The following LMBRD1 variants were observed in gnomAD, a reference collection of about 807,000 sequenced individuals.
The protein encoded by LMBRD1 is LMBR1 domain containing 1.
A neutral mutation model predicts 74.8 loss-of-function variants in LMBRD1; 64 were observed. The observed-to-expected ratio is 0.86, with a 90% CI of 0.70 to 1.05. The LOEUF (loss-of-function observed/expected upper bound fraction) is 1.05, where lower values mean the gene tolerates loss of function less well. Among genes scored for constraint, LMBRD1 ranks in the 50% least tolerant of loss-of-function variants. The probability of loss-of-function intolerance (pLI) is 0.00; values close to 1 mark genes in which losing one functional copy is unlikely to be tolerated. For missense variants in LMBRD1, 652 were observed against 645.9 expected (o/e 1.01, Z -0.10); for synonymous variants, 204 against 216.3 (o/e 0.94, Z 0.50).
In LMBRD1 at chr6:69,675,852, GAATATT is replaced by G. The variant is rs1219148836; in HGVS notation, c.*300_*305del. The G allele has an allele frequency of 6.6e-6, 2 of 304,026 alleles. No individual in the cohort carries two copies. Among genetic ancestry groups the G allele is most frequent in the East Asian group, 1.5e-4 (2 of 13,312 alleles). The allele number at this position is 304,026 out of a possible 1,614,324, so 18.8% of individuals were successfully genotyped here. A position where few individuals can be genotyped will look rare whatever the true frequency, so the allele number is the denominator to read the frequency against. On this transcript the variant is annotated 3_prime_UTR_variant, in exon 16 of 16. Coordinates refer to ENST00000649934, the MANE Select transcript of LMBRD1 (RefSeq NM_018368.4). ...TATGTTTTCAAAAAGTGACAAAAGG[GAATATT>G]AATTCTGGAAGATTTTTAATCAATT... is the stretch of plus-strand genomic sequence containing the variant.
At chr6:69,722,269 T>C (rs1179974805) in intron 7 of LMBRD1, among the ~76,000 whole-genome samples, 5 of 152,154 alleles carry the variant, frequency 3.3e-5, no homozygotes, top group Admixed American at 3.3e-4. Flanking sequence ...ACACCAGACC[T>C]GCCCTGCAAG....
chr6:69,744,281 C>T (rs1767169734), intron 5 of LMBRD1, among the ~76,000 whole-genome samples: 1 of 152,030 alleles, frequency 6.6e-6, no homozygotes, highest in African/African-American at 2.4e-5. Flanking sequence ...TAGATTAAGC[C>T]ATTTATGCCT....
intron 3 of LMBRD1, among the ~76,000 whole-genome samples, chr6:69,759,526 G>A (rs191112152): frequency 1.3e-5 from 2 of 151,348 alleles, no homozygotes; most frequent in Non-Finnish European, 2.9e-5. Flanking sequence ...TGCAAAATTA[G>A]TTTAAGTATA....
chr6:69,711,627 T>A (rs568895660), intron 9 of LMBRD1, among the ~76,000 whole-genome samples: 4 of 152,278 alleles, frequency 2.6e-5, no homozygotes, highest in African/African-American at 4.8e-5. Flanking sequence ...ATGAATTTTT[T>A]AAAAATTTAT....
chr6:69,684,749 G>A (rs1324051009), intron 14 of LMBRD1, among the ~76,000 whole-genome samples: 1 of 152,034 alleles, frequency 6.6e-6, no homozygotes, highest in African/African-American at 2.4e-5. Context: ...TTGTAAAGCT[G>A]AGCAGCAGAA....
chr6:69,756,123 A>T (rs1340890958), intron 3 of LMBRD1, among the ~76,000 whole-genome samples: 1 of 152,056 alleles, frequency 6.6e-6, no homozygotes, highest in Non-Finnish European at 1.5e-5. Flanking sequence ...CACTTTGGGA[A>T]GCCGAGGCAG....
chr6:69,760,980 C>T (rs1478348453), intron 3 of LMBRD1, among the ~76,000 whole-genome samples: 1 of 152,068 alleles, frequency 6.6e-6, no homozygotes, highest in Non-Finnish European at 1.5e-5. Context: ...TCCTTGTAGC[C>T]CAACAAGAGA....
chr6:69,719,448 A>C (rs540478758), intron 7 of LMBRD1, among the ~76,000 whole-genome samples: 43 of 152,262 alleles, frequency 2.8e-4, no homozygotes, highest in Middle Eastern at 3.4e-3. Flanking sequence ...ATTTTCTCCA[A>C]GTATATATAG....
At chr6:69,723,181 A>G (rs901246547) in intron 7 of LMBRD1, among the ~76,000 whole-genome samples, 1 of 152,142 alleles carries the variant, frequency 6.6e-6, no homozygotes, top group Non-Finnish European at 1.5e-5. Context: ...TAAAGCAAAT[A>G]TTATTAGAGT....
intron 2 of LMBRD1, among the ~76,000 whole-genome samples, chr6:69,786,344 T>C (rs1765945285): frequency 6.6e-6 from 1 of 152,186 alleles, no homozygotes; most frequent in Non-Finnish European, 1.5e-5. Context: ...CATAAAGATA[T>C]TCATAATTAG....
At chr6:69,741,166 TA>T (rs1362774838) in intron 6 of LMBRD1, among the ~76,000 whole-genome samples, 2 of 152,146 alleles carry the variant, frequency 1.3e-5, no homozygotes, top group African/African-American at 2.4e-5. Context: ...TATATTATCC[TA>T]AGTGAATTAA....
In LMBRD1 at chr6:69,676,031, G is replaced by A. The variant is rs1765536180; in HGVS notation, c.*127C>T. ...TTCAGAAAACATATAATAAAATATAGTTGTCTTATAGCCATGCTCCCATTT... is the reference window on the plus strand; with the variant it reads ...TTCAGAAAACATATAATAAAATATAATTGTCTTATAGCCATGCTCCCATTT... On this transcript the variant is annotated 3_prime_UTR_variant, in exon 16 of 16. Transcript: ENST00000649934. The A allele has an allele frequency of 5.9e-5, 42 of 710,538 alleles. No homozygotes were observed. In the South Asian group the frequency reaches 6.1e-4, roughly 10 times the overall value. 44.0% of individuals were successfully genotyped at this position (710,538 alleles called of 1,614,324 possible). A position where few individuals can be genotyped will look rare whatever the true frequency, so the allele number is the denominator to read the frequency against.
chr6:69,762,335 G>T (rs1046627678), intron 3 of LMBRD1, among the ~76,000 whole-genome samples: 1 of 151,994 alleles, frequency 6.6e-6, no homozygotes, highest in Non-Finnish European at 1.5e-5. Flanking sequence ...AAATGGCTGG[G>T]TGTGGTGGCT....
At chr6:69,758,697 G>C (rs938204939) in intron 3 of LMBRD1, among the ~76,000 whole-genome samples, 6 of 152,084 alleles carry the variant, frequency 3.9e-5, no homozygotes, top group Admixed American at 3.3e-4. Context: ...AGGAACTTCT[G>C]AACTGCTAAT....
intron 7 of LMBRD1, among the ~76,000 whole-genome samples, chr6:69,735,644 T>G (rs545374644): frequency 4.5e-4 from 68 of 152,328 alleles, no homozygotes; most frequent in African/African-American, 1.6e-3. Context: ...AGAAGCTCTC[T>G]TTCAAATAGT....
chr6:69,679,349 T>C (rs1010581558), intron 14 of LMBRD1, among the ~76,000 whole-genome samples: 16 of 152,158 alleles, frequency 1.1e-4, no homozygotes, highest in African/African-American at 3.4e-4. Context: ...CAGAGACTCC[T>C]GGATAGAAAA....
At chr6:69,703,917 C>G (rs1436836851) in intron 9 of LMBRD1, among the ~76,000 whole-genome samples, 1 of 152,014 alleles carries the variant, frequency 6.6e-6, no homozygotes, top group Non-Finnish European at 1.5e-5. Flanking sequence ...CTTTCATAAC[C>G]TTGACATTTT....
intron 7 of LMBRD1, among the ~76,000 whole-genome samples, chr6:69,730,292 C>T (rs1478831459): frequency 6.6e-6 from 1 of 152,182 alleles, no homozygotes; most frequent in Middle Eastern, 3.4e-3. Context: ...TCCAACTCTG[C>T]AGGCCTTAGA....
chr6:69,702,713 G>A (rs1434826290), intron 9 of LMBRD1, among the ~76,000 whole-genome samples: 1 of 151,956 alleles, frequency 6.6e-6, no homozygotes, highest in Non-Finnish European at 1.5e-5. Context: ...CCCAAGTTGC[G>A]GGGACAACTG....
Sources: gnomAD v4.1 joint callset for allele counts (sites outside exome capture counted in the v4.1 genomes callset) on GRCh38, gnomAD v4.1.1 for gene constraint, MANE v1.5 for transcripts, NCBI Gene and HGNC (gene_info 2026-07-23, HGNC 2026-07-21) for gene names.